Variants in SULT2B1 observed in about 807,000 individuals in gnomAD.
The protein encoded by SULT2B1 is sulfotransferase 2B1.
Under a neutral mutation model 33.2 loss-of-function variants are expected in SULT2B1, and 16 were observed. That is an observed-to-expected ratio of 0.48 (90% confidence interval 0.33 to 0.73). The LOEUF (loss-of-function observed/expected upper bound fraction) is 0.73, where lower values mean the gene tolerates loss of function less well. SULT2B1 is among the 30% of genes least tolerant of loss of function. The pLI, the probability that SULT2B1 is intolerant of heterozygous loss-of-function variation, is 0.02. For synonymous variants in SULT2B1, 186 were observed against 200.5 expected (o/e 0.93, Z 0.61); for missense variants, 500 against 506.0 (o/e 0.99, Z 0.11).
At chr19:48,589,558 G>A (rs1347342379) in intron 3 of SULT2B1, among the ~76,000 whole-genome samples, 2 of 152,282 alleles carry the variant, frequency 1.3e-5, no homozygotes, top group African/African-American at 2.4e-5. Context: ...CTGCAATCAG[G>A]AAGTCCCCAA....
intron 1 of SULT2B1, among the ~76,000 whole-genome samples, chr19:48,570,155 G>A (rs111252729): frequency 0.016 from 2,460 of 149,940 alleles, no homozygotes; most frequent in African/African-American, 0.056. Flanking sequence ...CCTTCCCTGT[G>A]GCTGTGGGAA....
chr19:48,588,467 G>A (rs559171486), intron 3 of SULT2B1, among the ~76,000 whole-genome samples: 138 of 151,084 alleles, frequency 9.1e-4, no homozygotes, highest in Non-Finnish European at 1.6e-3. Context: ...AGCCGAGATC[G>A]CGCCATTGCA....
chr19:48,585,199 G>A (rs567733920), intron 2 of SULT2B1, among the ~76,000 whole-genome samples: 106 of 152,156 alleles, frequency 7.0e-4, no homozygotes, highest in African/African-American at 1.5e-3. Context: ...GTCACAGAGC[G>A]GAATCCTGTC....
intron 2 of SULT2B1, among the ~76,000 whole-genome samples, chr19:48,576,359 C>CTTTTCTTTTTTTCTTTTTTTTTTTTTTTT: frequency 2.1e-5 from 2 of 96,712 alleles, no homozygotes. Flanking sequence ...CTCTACTTCT[C>CTTTTCTTTTTTTCTTTTTTTTTTTTTTTT]TTTTTTTTTT....
chr19:48,586,351 G>A lies in SULT2B1; in HGVS notation c.215-878G>A, dbSNP rs1973561312. On this transcript the variant is annotated intron_variant, in intron 2 of 6. Coordinates refer to ENST00000201586, the MANE Select transcript of SULT2B1 (RefSeq NM_177973.2). ...GGTGCAGGAAGGGTGGAAGGAAGTT[G>A]GTGGGGGGATATCCATGCATTCCCA... Among the ~76,000 whole-genome samples, 5 of 152,320 alleles carry A rather than the reference G, an allele frequency of 3.3e-5. No homozygotes were observed. The South Asian group carries it at 1.0e-3, about 32-fold the overall frequency.
At position 48,591,658 on chromosome 19, in the gene SULT2B1, A is replaced by G. The variant is rs1261545251; in HGVS notation, c.473A>G (p.His158Arg). Reference protein sequence around the residue: ...NPRDVVVSLYHYSKIAGQLKD... With the variant: ...NPRDVVVSLYRYSKIAGQLKD... Reference sequence around the variant, plus strand: ...CGGGACGTTGTGGTCTCCCTCTATCATTACTCCAAGATCGCCGGGCAGTTA... The same window carrying G: ...CGGGACGTTGTGGTCTCCCTCTATCGTTACTCCAAGATCGCCGGGCAGTTA... The change falls in exon 4 of 7, where the codon CAT becomes CGT. Residue 158 changes from histidine (H) to arginine (R), a missense_variant. By Grantham distance (29) the His-to-Arg change is conservative (BLOSUM62 0). Transcript: ENST00000201586. 1 of 1,613,330 alleles carries G rather than the reference A, an allele frequency of 6.2e-7. No individual in the cohort carries two copies. Among genetic ancestry groups the G allele is most frequent in the South Asian group, 1.1e-5 (1 of 91,038 alleles).
chr19:48,579,600 T>C (rs1248294564), intron 2 of SULT2B1, among the ~76,000 whole-genome samples: 1 of 62,932 alleles, frequency 1.6e-5, no homozygotes, highest in Non-Finnish European at 3.4e-5. Flanking sequence ...TTCTTTTCTT[T>C]CTTTCTTTTT....
At chr19:48,567,568 AC>A (rs1973262492) in intron 1 of SULT2B1, among the ~76,000 whole-genome samples, 2 of 151,948 alleles carry the variant, frequency 1.3e-5, no homozygotes, top group Non-Finnish European at 2.9e-5. Context: ...AAAAAAGAAC[AC>A]AGTGTTACCC....
intron 1 of SULT2B1, 141 bp from the exon 2 acceptor site, chr19:48,575,800 G>T: frequency 1.4e-6 from 2 of 1,435,750 alleles, no homozygotes; most frequent in East Asian, 2.4e-5. Context: ...AAGTTTATAG[G>T]GACAGTGTCA....
chr19:48,572,480 C>T (rs1601095728), intron 1 of SULT2B1, among the ~76,000 whole-genome samples: 2 of 151,868 alleles, frequency 1.3e-5, no homozygotes, highest in South Asian at 2.1e-4. Flanking sequence ...CACCACTACA[C>T]TATAGCCTGG....
In SULT2B1 at chr19:48,587,213, C is replaced by A. The variant is rs767076557; in HGVS notation, c.215-16C>A. 3 of 1,590,100 alleles carry A rather than the reference C, an allele frequency of 1.9e-6. No homozygotes were observed. In the South Asian group the frequency reaches 3.4e-5, roughly 18 times the overall value. The stretch of plus-strand genomic sequence containing the variant: ...CCCTCCCACACCCAATTAATCTGCT[C>A]GATTTCTCCCAACAGGCACGACCTG... On this transcript the variant is annotated splice_polypyrimidine_tract_variant and intron_variant, in intron 2 of 6. Transcript: ENST00000201586.
rs946708510 is a variant in SULT2B1 at position 48,563,374 on chromosome 19, A to G, written c.71+11051A>G. Among the ~76,000 whole-genome samples the G allele has an allele frequency of 1.4e-4, 21 of 152,168 alleles. 1 individual carries two copies. The highest frequency in any genetic ancestry group is 1.3e-4 in the Non-Finnish European group (9 of 68,026). ...GAACAACTGTGGCAGCTTTGGGAGT[A>G]ATAGCCTGACCTGGAAACCGCCGAG... On this transcript the variant is annotated intron_variant, in intron 1 of 6. Coordinates refer to ENST00000201586, the MANE Select transcript of SULT2B1 (RefSeq NM_177973.2).
At chr19:48,555,548 T>TCC (rs1973087258) in intron 1 of SULT2B1, among the ~76,000 whole-genome samples, 1 of 70,202 alleles carries the variant, frequency 1.4e-5, no homozygotes, top group Non-Finnish European at 2.7e-5. Context: ...CCCAGAGACA[T>TCC]CCTCTCTCTC....
chr19:48,577,406 C>T (rs1218593011), intron 2 of SULT2B1, among the ~76,000 whole-genome samples: 2 of 114,834 alleles, frequency 1.7e-5, no homozygotes, highest in African/African-American at 6.6e-5. Flanking sequence ...TGCTCTGTTG[C>T]CCGGGCTGGA....
chr19:48,580,448 C>T (rs967685891), intron 2 of SULT2B1, among the ~76,000 whole-genome samples: 16 of 151,938 alleles, frequency 1.1e-4, no homozygotes, highest in African/African-American at 2.7e-4. Context: ...TTAGTAGAGA[C>T]GGGGTTTCAC....
At chr19:48,554,584 T>G in intron 1 of SULT2B1, among the ~76,000 whole-genome samples, 1 of 143,370 alleles carries the variant, frequency 7.0e-6, no homozygotes, top group Non-Finnish European at 1.5e-5. Flanking sequence ...ATCCAGTGAA[T>G]TCCTCAGCGC....
intron 1 of SULT2B1, among the ~76,000 whole-genome samples, chr19:48,571,952 A>T (rs1469514155): frequency 1.3e-5 from 2 of 152,074 alleles, no homozygotes; most frequent in Non-Finnish European, 2.9e-5. Flanking sequence ...CTGCTGTGTG[A>T]CCTTAGGGGA....
chr19:48,577,842 A>G (rs1568409062), intron 2 of SULT2B1, among the ~76,000 whole-genome samples: 1 of 152,206 alleles, frequency 6.6e-6, no homozygotes, highest in East Asian at 1.9e-4. Flanking sequence ...TGGAGCTCAC[A>G]TTGTACTGGG....
chr19:48,599,115 T>G lies in SULT2B1; in HGVS notation c.827-20T>G, dbSNP rs1198959273. 2.6e-6 allele frequency: 4 copies of G among 1,556,814 alleles called. No homozygotes were observed. The Admixed American group carries it at 7.6e-5, about 30-fold the overall frequency. ...TGCTCCCCAGAGGCTCCTCACCCCC[T>G]GGTGCCCCCTCTTCTCCAGGGGTCT... On this transcript the variant is annotated intron_variant, in intron 6 of 6. Coordinates refer to ENST00000201586, the MANE Select transcript of SULT2B1 (RefSeq NM_177973.2). This position sits in a 1 kb window ranked among gnomAD's most constrained non-coding sequence, Gnocchi z 4.1.
Sources: allele counts gnomAD v4.1 joint callset (sites outside exome capture counted in the v4.1 genomes callset), GRCh38; gene constraint gnomAD v4.1.1; non-coding constraint Gnocchi (gnomAD v3.1); transcripts MANE v1.5; gene names NCBI Gene and HGNC (gene_info 2026-07-23, HGNC 2026-07-21).